The following MAGI2 variants were observed in gnomAD, a reference collection of about 807,000 sequenced individuals.
The protein encoded by MAGI2 is membrane-associated guanylate kinase, WW and PDZ domain-containing protein 2.
MAGI2 carries 35 observed loss-of-function variants against 133.3 expected under a neutral mutation model. That is an observed-to-expected ratio of 0.26 (90% CI 0.20 to 0.35). The LOEUF (loss-of-function observed/expected upper bound fraction) is 0.35. Ranked by LOEUF, MAGI2 falls within the 10% of genes least tolerant of loss-of-function variation. MAGI2 has a pLI of 1.00. For synonymous variants in MAGI2, 729 were observed against 710.6 expected, an observed-to-expected ratio of 1.03 and a Z score of -0.41; for missense variants, 1,636 against 1,863.4, an observed-to-expected ratio of 0.88 and a Z score of 2.25.
chr7:78,205,890 T>C (rs1031844374), intron 10 of MAGI2, among the ~76,000 whole-genome samples: 2 of 152,192 alleles, frequency 1.3e-5, no homozygotes, highest in African/African-American at 4.8e-5. Flanking sequence ...GATCATTGCA[T>C]TGTGCTGACT....
chr7:79,002,224 C>T (rs189238170), intron 2 of MAGI2, among the ~76,000 whole-genome samples: 2 of 151,648 alleles, frequency 1.3e-5, no homozygotes, highest in Admixed American at 6.6e-5. Context: ...CTTGACTTCC[C>T]GAGCTCAAGT....
intron 2 of MAGI2, chr7:78,901,506 C>T (rs537893948): frequency 2.0e-5 from 3 of 152,196 alleles, no homozygotes; most frequent in South Asian, 4.1e-4. Flanking sequence ...GCTAATGTTT[C>T]TTCCCTGGAA....
intron 6 of MAGI2, among the ~76,000 whole-genome samples, chr7:78,470,750 G>A (rs1340615232): frequency 2.0e-5 from 3 of 152,070 alleles, no homozygotes; most frequent in Non-Finnish European, 4.4e-5. Context: ...ATGCTTATGT[G>A]AGCAAATTTT....
At chr7:78,580,904 T>A (rs1462553853) in intron 3 of MAGI2, among the ~76,000 whole-genome samples, 1 of 152,154 alleles carries the variant, frequency 6.6e-6, no homozygotes, top group Non-Finnish European at 1.5e-5. Flanking sequence ...CCCTTCCCCA[T>A]CCCAATCAAG....
chr7:79,292,483 T>A (rs1836564268), intron 1 of MAGI2, among the ~76,000 whole-genome samples: 1 of 151,342 alleles, frequency 6.6e-6, no homozygotes, highest in Non-Finnish European at 1.5e-5. Context: ...AAATAAAAAA[T>A]TAGCCAGGTC....
intron 1 of MAGI2, among the ~76,000 whole-genome samples, chr7:79,140,029 A>G (rs768395139): frequency 3.3e-5 from 5 of 152,322 alleles, no homozygotes; most frequent in Admixed American, 1.3e-4. Flanking sequence ...ATAAAGGTAA[A>G]CACAGCTGAT....
intron 2 of MAGI2, among the ~76,000 whole-genome samples, chr7:78,988,958 T>A (rs1437415012): frequency 6.6e-6 from 1 of 152,092 alleles, no homozygotes; most frequent in African/African-American, 2.4e-5. Flanking sequence ...TTTCAAGATG[T>A]GAAATAAATA....
intron 6 of MAGI2, among the ~76,000 whole-genome samples, chr7:78,381,606 G>GA (rs1303333633): frequency 1.3e-5 from 2 of 152,012 alleles, no homozygotes; most frequent in Non-Finnish European, 2.9e-5. Flanking sequence ...AAATGGAAGG[G>GA]AAAAAAACCT....
At chr7:78,587,877 G>A (rs556662563) in intron 3 of MAGI2, among the ~76,000 whole-genome samples, 16 of 152,076 alleles carry the variant, frequency 1.1e-4, no homozygotes, top group African/African-American at 3.9e-4. Context: ...AAATAAAATG[G>A]GTATTCATTA....
chr7:78,897,246 T>C (rs562602580), intron 2 of MAGI2, among the ~76,000 whole-genome samples: 7 of 152,360 alleles, frequency 4.6e-5, no homozygotes, highest in South Asian at 4.1e-4. Context: ...GGGAAGCATG[T>C]ACTTTGTTTC....
intron 3 of MAGI2, chr7:78,567,993 G>C (rs573499062): frequency 6.6e-5 from 10 of 152,160 alleles, no homozygotes; most frequent in Admixed American, 2.0e-4. Flanking sequence ...CTCAGTCTTC[G>C]TCTTAGCTGA....
At chr7:79,416,719 C>CTTTTTTTTTTTTT (rs1169090958) in intron 1 of MAGI2, among the ~76,000 whole-genome samples, 6 of 99,256 alleles carry the variant, frequency 6.0e-5, no homozygotes, top group African/African-American at 2.2e-4. Context: ...CTTTTCTTTT[C>CTTTTTTTTTTTTT]TTTTTCTTTT....
At chr7:78,890,469 A>C (rs1796649211) in intron 2 of MAGI2, among the ~76,000 whole-genome samples, 1 of 152,202 alleles carries the variant, frequency 6.6e-6, no homozygotes, top group Non-Finnish European at 1.5e-5. Context: ...TTGACCACAT[A>C]GTTGGAAGTA....
At chr7:78,085,726 G>A (rs1349432678) in intron 20 of MAGI2, among the ~76,000 whole-genome samples, 1 of 152,126 alleles carries the variant, frequency 6.6e-6, no homozygotes, top group African/African-American at 2.4e-5. Flanking sequence ...ACCTGCTTAG[G>A]AGGGTCACAA....
chr7:79,129,262 T>C (rs1820701097), intron 1 of MAGI2, among the ~76,000 whole-genome samples: 1 of 152,300 alleles, frequency 6.6e-6, no homozygotes, highest in Middle Eastern at 3.4e-3. Context: ...TTGAATACCT[T>C]ATGTAATTTA....
chr7:79,233,293 GT>G, intron 1 of MAGI2, among the ~76,000 whole-genome samples: 1 of 114,878 alleles, frequency 8.7e-6, no homozygotes, highest in Admixed American at 9.4e-5. Context: ...GGAGAGTTCT[GT>G]AGATGTCTAT....
chr7:79,239,992 A>G (rs1832262347), intron 1 of MAGI2, among the ~76,000 whole-genome samples: 1 of 152,186 alleles, frequency 6.6e-6, no homozygotes, highest in Non-Finnish European at 1.5e-5. Context: ...AGATTATCCA[A>G]TGAAAGCCCA....
chr7:78,353,801 G>A (rs1442272343), intron 7 of MAGI2, among the ~76,000 whole-genome samples: 1 of 152,186 alleles, frequency 6.6e-6, no homozygotes, highest in South Asian at 2.1e-4. Flanking sequence ...AGACATGCAT[G>A]TGGTTGTGTA....
chr7:78,314,731 C>G (rs150780183), intron 9 of MAGI2, among the ~76,000 whole-genome samples: 1 of 152,146 alleles, frequency 6.6e-6, no homozygotes, highest in South Asian at 2.1e-4. Context: ...ACTCAAATCA[C>G]GCTCCAGGAT....
Sources: gnomAD v4.1 joint callset for allele counts (sites outside exome capture counted in the v4.1 genomes callset) on GRCh38, gnomAD v4.1.1 for gene constraint, MANE v1.5 for transcripts, NCBI Gene and HGNC (gene_info 2026-07-23, HGNC 2026-07-21) for gene names.